TSNARE1: variants seen among roughly 807,000 people sequenced by gnomAD.
TSNARE1 encodes t-SNARE domain-containing protein 1.
In TSNARE1, 49 loss-of-function variants were observed where a neutral mutation model predicts 62.0. The observed-to-expected ratio is 0.79, with a 90% CI of 0.63 to 1.00. TSNARE1 has a LOEUF of 1.00. Ranked by LOEUF, TSNARE1 falls within the 50% of genes least tolerant of loss-of-function variation. TSNARE1 has a pLI of 0.00. For synonymous variants in TSNARE1, 328 were observed against 294.4 expected (o/e 1.11, Z -1.17); for missense variants, 755 against 700.1 (o/e 1.08, Z -0.88).
chr8:142,364,018 C>T (rs1835351429), intron 1 of TSNARE1, among the ~76,000 whole-genome samples: 1 of 152,190 alleles, frequency 6.6e-6, no homozygotes, highest in South Asian at 2.1e-4. Flanking sequence ...ACTGAAACCT[C>T]AATTTTTAAA....
At chr8:142,373,566 A>C (rs995321200) in intron 1 of TSNARE1, among the ~76,000 whole-genome samples, 4 of 151,804 alleles carry the variant, frequency 2.6e-5, no homozygotes, top group Non-Finnish European at 4.4e-5. Context: ...GGACCCTGAG[A>C]CCACACCACC....
rs568437593 is a variant in TSNARE1 at position 142,268,485 on chromosome 8, C to T, written c.1446+6296G>A. Among the ~76,000 whole-genome samples, 12 of 152,356 alleles carry T rather than the reference C, an allele frequency of 7.9e-5. No homozygotes were observed. In the South Asian group the frequency reaches 1.4e-3, roughly 18 times the overall value. On this transcript the variant is annotated intron_variant, in intron 12 of 13. Transcript: ENST00000524325. ...AATCGCCTTGGAGGCCTCTGCTGTC[C>T]GTCCTGCAGGGAAGCCCCCGACACT...
In TSNARE1 at chr8:142,300,617, C is replaced by A; in HGVS notation, c.1159G>T (p.Ala387Ser). 1 of 1,613,684 alleles carries A rather than the reference C, an allele frequency of 6.2e-7. No individual in the cohort carries two copies. The highest frequency in any genetic ancestry group is 8.5e-7 in the Non-Finnish European group (1 of 1,179,938). Reference sequence around the variant, plus strand: ...CCGTTAAAGACCTTCTCATCATCAGCCAGCTCGGCAAACGGGGCCTGGGGA... The same window carrying A: ...CCGTTAAAGACCTTCTCATCATCAGACAGCTCGGCAAACGGGGCCTGGGGA... ...QSPQAPFAEL[A>S]DDEKVFNGSD... Residue 387 changes from alanine to serine, a missense_variant, in exon 10 of 14, where the codon GCT (alanine) becomes TCT (serine). Transcript: ENST00000524325.
Position 142,376,149 on chromosome 8 carries a change from A to G in TSNARE1, c.-39-21386T>C, listed in dbSNP as rs901162968. 2.0e-5 allele frequency among the ~76,000 whole-genome samples: 3 copies of G among 152,332 alleles called. No individual in the cohort carries two copies. In the East Asian group the frequency reaches 5.8e-4, roughly 29 times the overall value. Reference sequence around the variant, plus strand: ...TCGCTCCATCTCTCTGAGTCTATCCACATAATCCAAAGTGCAGGAGCAATT... The same window carrying G: ...TCGCTCCATCTCTCTGAGTCTATCCGCATAATCCAAAGTGCAGGAGCAATT... On this transcript the variant is annotated intron_variant, in intron 1 of 13. Coordinates refer to ENST00000524325, the MANE Select transcript of TSNARE1 (RefSeq NM_145003.5).
At chr8:142,306,667 C>A (rs1212816751) in intron 9 of TSNARE1, among the ~76,000 whole-genome samples, 1 of 152,216 alleles carries the variant, frequency 6.6e-6, no homozygotes, top group Non-Finnish European at 1.5e-5. Context: ...CCCAGTCCCC[C>A]CACATCAGCC....
intron 2 of TSNARE1, among the ~76,000 whole-genome samples, chr8:142,348,969 C>T (rs1833739471): frequency 6.6e-6 from 1 of 152,180 alleles, no homozygotes; most frequent in Admixed American, 6.5e-5. Flanking sequence ...ATGCAGCTGA[C>T]CCTACACCCA....
intron 12 of TSNARE1, among the ~76,000 whole-genome samples, chr8:142,244,001 A>T (rs1817774884): frequency 6.6e-6 from 1 of 152,180 alleles, no homozygotes; most frequent in Admixed American, 6.5e-5. Flanking sequence ...TCTGGCTAAC[A>T]CGGTGAAACC....
At chr8:142,294,366 A>G (rs538123302) in intron 10 of TSNARE1, among the ~76,000 whole-genome samples, 1 of 152,328 alleles carries the variant, frequency 6.6e-6, no homozygotes, top group South Asian at 2.1e-4. Context: ...GCCCTCACCC[A>G]CAGCATCACT....
At chr8:142,218,250 C>T (rs75707109) in intron 13 of TSNARE1, among the ~76,000 whole-genome samples, 20 of 151,184 alleles carry the variant, frequency 1.3e-4, no homozygotes, top group African/African-American at 4.9e-4. Flanking sequence ...TTCAGTGTGA[C>T]CGGGATCAGG....
At chr8:142,339,921 G>T (rs1158486160) in intron 4 of TSNARE1, among the ~76,000 whole-genome samples, 1 of 152,258 alleles carries the variant, frequency 6.6e-6, no homozygotes, top group Non-Finnish European at 1.5e-5. Flanking sequence ...CAACAGTCCT[G>T]CAGCATGCAG....
chr8:142,254,919 G>A (rs947922569), intron 12 of TSNARE1, among the ~76,000 whole-genome samples: 1 of 152,150 alleles, frequency 6.6e-6, no homozygotes, highest in Admixed American at 6.5e-5. Flanking sequence ...GCCACTCCCT[G>A]GGCCAGGCCC....
rs1015305201 is a variant in TSNARE1 at position 142,382,900 on chromosome 8, C to T, written c.-40+20204G>A. 3.9e-5 allele frequency among the ~76,000 whole-genome samples: 6 copies of T among 152,212 alleles called. 1 individual carries two copies. The highest frequency in any genetic ancestry group is 3.9e-4 in the Admixed American group (6 of 15,292). ...CGGCCCTCGTCCAGGGTGGAGGCAG[C>T]AGGCAGCAGGCGGTGAGGGCCCGAA... is the stretch of plus-strand genomic sequence containing the variant. On this transcript the variant is annotated intron_variant, in intron 1 of 13. Transcript: ENST00000524325.
At chr8:142,343,741 G>A (rs1055678214) in intron 4 of TSNARE1, among the ~76,000 whole-genome samples, 1 of 112,832 alleles carries the variant, frequency 8.9e-6, no homozygotes, top group African/African-American at 5.3e-5. Context: ...ATGAGACAGT[G>A]GTGATGGGGA....
chr8:142,256,582 C>T (rs1028187731), intron 12 of TSNARE1, among the ~76,000 whole-genome samples: 2 of 148,528 alleles, frequency 1.3e-5, no homozygotes, highest in African/African-American at 4.9e-5. Flanking sequence ...CCATCATCAC[C>T]ACCATCACCA....
At chr8:142,380,318 T>G (rs1032350702) in intron 1 of TSNARE1, among the ~76,000 whole-genome samples, 2 of 151,920 alleles carry the variant, frequency 1.3e-5, no homozygotes, top group African/African-American at 4.8e-5. Context: ...GGCCCCTTCC[T>G]CCTTCCGGGC....
chr8:142,277,806 C>T (rs1027378528), intron 11 of TSNARE1: 3 of 985,354 alleles, frequency 3.0e-6, no homozygotes, highest in South Asian at 9.4e-5. Context: ...CAGGGAACCA[C>T]AGGGTGAGCA....
chr8:142,364,053 G>A (rs542138786), intron 1 of TSNARE1, among the ~76,000 whole-genome samples: 2 of 152,306 alleles, frequency 1.3e-5, no homozygotes, highest in Non-Finnish European at 2.9e-5. Flanking sequence ...CCTGGGGAGG[G>A]AAAATCACTT....
chr8:142,257,820 A>G (rs989690250), intron 12 of TSNARE1, among the ~76,000 whole-genome samples: 5 of 152,046 alleles, frequency 3.3e-5, no homozygotes, highest in African/African-American at 7.2e-5. Context: ...CGCCTCCGGG[A>G]GAAGCCCTTT....
chr8:142,330,872 C>T (rs1586846267), intron 6 of TSNARE1, 29 bp downstream of exon 6: 1 of 1,612,860 alleles, frequency 6.2e-7, no homozygotes, highest in Non-Finnish European at 8.5e-7. Flanking sequence ...CACGCCCAGG[C>T]AAAGAGATAC....
Sources: allele counts gnomAD v4.1 joint callset (sites outside exome capture counted in the v4.1 genomes callset), GRCh38; gene constraint gnomAD v4.1.1; transcripts MANE v1.5; gene names NCBI Gene and HGNC (gene_info 2026-07-23, HGNC 2026-07-21).